The following CACNA1D variants were observed in gnomAD, a reference collection of about 807,000 sequenced individuals.
The protein encoded by CACNA1D is voltage-dependent L-type calcium channel subunit alpha-1D.
Under a neutral mutation model 257.1 loss-of-function variants are expected in CACNA1D, and 55 were observed. That is an observed-to-expected ratio of 0.21 (90% CI 0.17 to 0.27). The LOEUF is 0.27. CACNA1D is among the 10% of genes least tolerant of loss of function. The pLI, the probability that CACNA1D is intolerant of heterozygous loss-of-function variation, is 1.00. For synonymous variants in CACNA1D, 980 were observed against 1,014.9 expected (o/e 0.97, Z 0.65); for missense variants, 1,876 against 2,784.0 (o/e 0.67, Z 7.34).
At chr3:53,691,805 A>AAT (rs2094526669) in intron 8 of CACNA1D, among the ~76,000 whole-genome samples, 1 of 79,182 alleles carries the variant, frequency 1.3e-5, no homozygotes, top group Non-Finnish European at 2.5e-5. Flanking sequence ...TTACATATAT[A>AAT]ATATATATTA....
intron 3 of CACNA1D, among the ~76,000 whole-genome samples, chr3:53,623,220 T>C (rs1212107531): frequency 1.3e-5 from 2 of 152,208 alleles, no homozygotes; most frequent in Non-Finnish European, 2.9e-5. Flanking sequence ...GCGCGGTGTA[T>C]CAAAACTCAC....
At chr3:53,786,364 C>G (rs1292411603) in intron 39 of CACNA1D, 1 of 175,930 alleles carries the variant, frequency 5.7e-6, no homozygotes, top group Non-Finnish European at 1.2e-5. Context: ...TGTCACCTTT[C>G]TAGGTCTCTA....
chr3:53,558,273 T>A (rs2092681117), intron 3 of CACNA1D, among the ~76,000 whole-genome samples: 1 of 152,216 alleles, frequency 6.6e-6, no homozygotes, highest in Admixed American at 6.5e-5. Flanking sequence ...AATACTGGCC[T>A]TATAGTATTC....
At chr3:53,560,021 A>G (rs2092709848) in intron 3 of CACNA1D, among the ~76,000 whole-genome samples, 2 of 151,436 alleles carry the variant, frequency 1.3e-5, no homozygotes, top group Admixed American at 1.3e-4. Context: ...TTGGAAAAAA[A>G]CAAAGCAATA....
chr3:53,705,094 T>C (rs1443883223), intron 9 of CACNA1D, among the ~76,000 whole-genome samples: 1 of 152,104 alleles, frequency 6.6e-6, no homozygotes. Context: ...GAACTTGCCA[T>C]GAGGGGAAGA....
intron 3 of CACNA1D, among the ~76,000 whole-genome samples, chr3:53,523,007 A>C (rs1017745939): frequency 6.6e-6 from 1 of 152,188 alleles, no homozygotes; most frequent in Non-Finnish European, 1.5e-5. Context: ...AAGAGTGAGA[A>C]CATGCGATAT....
chr3:53,684,168 C>T (rs2094454939), intron 8 of CACNA1D, among the ~76,000 whole-genome samples: 2 of 152,196 alleles, frequency 1.3e-5, no homozygotes, highest in Non-Finnish European at 2.9e-5. Context: ...CTGTATGAAG[C>T]AAGAATACCC....
intron 3 of CACNA1D, among the ~76,000 whole-genome samples, chr3:53,593,112 A>G (rs961659602): frequency 1.3e-5 from 2 of 152,226 alleles, no homozygotes; most frequent in African/African-American, 4.8e-5. Context: ...AAGCAGGTGC[A>G]GGATAAATGA....
Position 53,716,819 on chromosome 3 carries a change from G to A in CACNA1D, c.1391-1482G>A, listed in dbSNP as rs372952272. Among the ~76,000 whole-genome samples, 4 of 152,176 alleles carry A rather than the reference G, an allele frequency of 2.6e-5. No individual in the cohort carries two copies. The East Asian group carries it at 7.7e-4, about 29-fold the overall frequency. ...CTCAGTTTCTCGGGCACTCACAAGC[G>A]GAACGGATCAGGGATCTTCTTTGGT... is the stretch of plus-strand genomic sequence containing the variant. On this transcript the variant is annotated intron_variant, in intron 9 of 47. Coordinates refer to ENST00000350061, the MANE Select transcript of CACNA1D (RefSeq NM_001128840.3).
Position 53,687,935 on chromosome 3 carries a change from A to G in CACNA1D, c.1221-14706A>G, listed in dbSNP as rs150677961. Among the ~76,000 whole-genome samples, 202 of 152,382 alleles carry G rather than the reference A, an allele frequency of 1.3e-3. 2 individuals carry two copies. Among genetic ancestry groups the G allele is most frequent in the African/African-American group, 4.7e-3 (197 of 41,596 alleles). ...GCTAAAATCAAAAAGACTATTTCCA[A>G]GTGTCACCAAGAGTACAGAGCAACT... On this transcript the variant is annotated intron_variant, in intron 8 of 47. Coordinates refer to ENST00000350061, the MANE Select transcript of CACNA1D (RefSeq NM_001128840.3).
chr3:53,756,533 T>C (rs916844962), intron 29 of CACNA1D, among the ~76,000 whole-genome samples: 10 of 152,198 alleles, frequency 6.6e-5, no homozygotes, highest in Non-Finnish European at 1.5e-4. Context: ...TAGCCGATTG[T>C]GGGTTCCCGA....
At chr3:53,590,884 C>A (rs2093294263) in intron 3 of CACNA1D, among the ~76,000 whole-genome samples, 1 of 152,164 alleles carries the variant, frequency 6.6e-6, no homozygotes, top group Non-Finnish European at 1.5e-5. Context: ...TTAGTGTGGG[C>A]TGAGCTCTGT....
intron 8 of CACNA1D, among the ~76,000 whole-genome samples, chr3:53,674,832 C>T (rs996115325): frequency 6.6e-6 from 1 of 152,200 alleles, no homozygotes; most frequent in African/African-American, 2.4e-5. Flanking sequence ...TCTGTCACTG[C>T]GCTGCGCCCA....
chr3:53,664,658 A>G (rs1350890810), intron 5 of CACNA1D, among the ~76,000 whole-genome samples: 1 of 149,688 alleles, frequency 6.7e-6, no homozygotes, highest in Non-Finnish European at 1.5e-5. Flanking sequence ...ACCTGTGGAA[A>G]TCCACCCCAC....
At chr3:53,754,130 T>C (rs2095246865) in intron 29 of CACNA1D, among the ~76,000 whole-genome samples, 1 of 152,244 alleles carries the variant, frequency 6.6e-6, no homozygotes, top group Non-Finnish European at 1.5e-5. Context: ...CAGCATCCTT[T>C]TTACCCTTTA....
intron 3 of CACNA1D, among the ~76,000 whole-genome samples, chr3:53,509,321 A>G (rs1229333048): frequency 6.6e-6 from 1 of 151,962 alleles, no homozygotes; most frequent in Non-Finnish European, 1.5e-5. Context: ...GAGAGAGCTC[A>G]TGCTCATGAG....
intron 10 of CACNA1D, 119 bp downstream of exon 10, chr3:53,718,507 G>A: frequency 9.2e-7 from 1 of 1,090,912 alleles, no homozygotes; most frequent in Non-Finnish European, 1.4e-6. Context: ...GTGGCGGGTG[G>A]GAAGGCTCCT....
chr3:53,800,844 C>T lies in CACNA1D; in HGVS notation c.5041-214C>T. ...CGAGTGACAGCCGACAGCTTGCTCC[C>T]CAGCTCAGGAAATCGGTAACCTTCC... On this transcript the variant is annotated intron_variant, in intron 41 of 47. Coordinates refer to ENST00000350061, the MANE Select transcript of CACNA1D (RefSeq NM_001128840.3). This position sits in a 1 kb window ranked among gnomAD's most constrained non-coding sequence, Gnocchi z 4.3. 1.6e-6 allele frequency: 1 copy of T among 618,082 alleles called. No individual in the cohort carries two copies. Among genetic ancestry groups the T allele is most frequent in the Non-Finnish European group, 2.9e-6 (1 of 346,242 alleles). The allele number at this position is 618,082 out of a possible 1,614,324, so 38.3% of individuals were successfully genotyped here.
At chr3:53,562,524 T>C (rs1311564060) in intron 3 of CACNA1D, among the ~76,000 whole-genome samples, 1 of 152,244 alleles carries the variant, frequency 6.6e-6, no homozygotes, top group Non-Finnish European at 1.5e-5. Flanking sequence ...TTTATAGCTG[T>C]ATTGAAGTAT....
Sources: allele counts gnomAD v4.1 joint callset (sites outside exome capture counted in the v4.1 genomes callset), GRCh38; gene constraint gnomAD v4.1.1; non-coding constraint Gnocchi (gnomAD v3.1); transcripts MANE v1.5; gene names NCBI Gene and HGNC (gene_info 2026-07-23, HGNC 2026-07-21).